JAKMIP2: variants seen among roughly 807,000 people sequenced by gnomAD.
JAKMIP2 encodes the protein janus kinase and microtubule-interacting protein 2.
JAKMIP2 carries 25 observed loss-of-function variants against 115.0 expected under a neutral mutation model. That is an observed-to-expected ratio of 0.22 (90% CI 0.16 to 0.30). The LOEUF (loss-of-function observed/expected upper bound fraction) is 0.30, where lower values mean the gene tolerates loss of function less well. JAKMIP2 is among the 10% of genes least tolerant of loss of function. The pLI, the probability that JAKMIP2 is intolerant of heterozygous loss-of-function variation, is 1.00. For missense variants in JAKMIP2, 642 were observed against 957.6 expected, an observed-to-expected ratio of 0.67 and a Z score of 4.35; for synonymous variants, 334 against 343.6, an observed-to-expected ratio of 0.97 and a Z score of 0.31.
In JAKMIP2 at chr5:147,647,737, ACT is replaced by A. The variant is rs557588323; in HGVS notation, c.936+637_936+638del. On this transcript the variant is annotated intron_variant, in intron 5 of 21. Transcript: ENST00000616793. Reference sequence around the variant, plus strand: ...TTATTGGTGGGAATTGTGACAACTCACTGTTTGGTAATAACTATTGATGCTGA... The same window carrying A: ...TTATTGGTGGGAATTGTGACAACTCAGTTTGGTAATAACTATTGATGCTGA... 2.8e-4 allele frequency among the ~76,000 whole-genome samples: 42 copies of A among 152,278 alleles called. No homozygotes were observed. In the South Asian group the frequency reaches 8.5e-3, roughly 31 times the overall value.
rs1034001349 is a variant in JAKMIP2, at chr5:147,750,916, G to A, written c.-149+31540C>T. Among the ~76,000 whole-genome samples, 7 of 152,232 alleles carry A rather than the reference G, an allele frequency of 4.6e-5. No homozygotes were observed. In the East Asian group the frequency reaches 1.2e-3, roughly 25 times the overall value. ...CTCGACATCGGACTTCCAATCTACA[G>A]AACTGTTGAGAAAAAAATTCTGCTA... On this transcript the variant is annotated intron_variant, in intron 1 of 21. Coordinates refer to ENST00000616793, the MANE Select transcript of JAKMIP2 (RefSeq NM_001270941.2).
intron 1 of JAKMIP2, among the ~76,000 whole-genome samples, chr5:147,674,677 C>G (rs1368254023): frequency 6.6e-6 from 1 of 152,172 alleles, no homozygotes; most frequent in Admixed American, 6.5e-5. Flanking sequence ...GGACGAAGGG[C>G]TTAACATACT....
At chr5:147,757,878 C>CA (rs1328069027) in intron 1 of JAKMIP2, among the ~76,000 whole-genome samples, 2 of 152,046 alleles carry the variant, frequency 1.3e-5, no homozygotes, top group African/African-American at 4.8e-5. Flanking sequence ...TATATGGAAT[C>CA]AACTTCAATC....
chr5:147,622,318 C>G (rs1303966197), intron 17 of JAKMIP2, among the ~76,000 whole-genome samples: 2 of 152,142 alleles, frequency 1.3e-5, no homozygotes, highest in Non-Finnish European at 2.9e-5. Flanking sequence ...GTGTATAGTT[C>G]AGTAGTACAA....
chr5:147,711,286 C>T lies in JAKMIP2; in HGVS notation c.-148-39332G>A, dbSNP rs79835332. ...CATAATGAGGTAGTTGGCAAGTCCA[C>T]GGGAGTGATGGTAAAATGCCTTACT... is the stretch of plus-strand genomic sequence containing the variant. On this transcript the variant is annotated intron_variant, in intron 1 of 21. Coordinates refer to ENST00000616793, the MANE Select transcript of JAKMIP2 (RefSeq NM_001270941.2). 5.9e-5 allele frequency among the ~76,000 whole-genome samples: 9 copies of T among 152,166 alleles called. No homozygotes were observed. In the East Asian group the frequency reaches 1.5e-3, roughly 26 times the overall value.
rs1188865585 is a variant in JAKMIP2, at chr5:147,760,430, G to A, written c.-149+22026C>T. On this transcript the variant is annotated intron_variant, in intron 1 of 21. Coordinates refer to ENST00000616793, the MANE Select transcript of JAKMIP2 (RefSeq NM_001270941.2). The stretch of plus-strand genomic sequence containing the variant: ...AAAAAAAAAAAAAAAATCACTCAGT[G>A]TGTAGTTATCAAAACCATGAAGGGA... 5.3e-5 allele frequency among the ~76,000 whole-genome samples: 8 copies of A among 150,756 alleles called. No individual in the cohort carries two copies. In the East Asian group the frequency reaches 1.4e-3, roughly 26 times the overall value.
At chr5:147,702,605 AAAGAAAGAAAG>A in intron 1 of JAKMIP2, among the ~76,000 whole-genome samples, 2 of 15,942 alleles carry the variant, frequency 1.3e-4, no homozygotes, top group Non-Finnish European at 3.4e-4. Flanking sequence ...AGAAAGAAGG[AAAGAAAGAAAG>A]AAAGAAAGAA....
chr5:147,684,980 A>C (rs781765734), intron 1 of JAKMIP2, among the ~76,000 whole-genome samples: 2 of 152,188 alleles, frequency 1.3e-5, no homozygotes, highest in African/African-American at 2.4e-5. Flanking sequence ...TTTAGAGAGC[A>C]CTTAGTGTGT....
At chr5:147,704,933 G>A (rs1752506708) in intron 1 of JAKMIP2, among the ~76,000 whole-genome samples, 1 of 152,102 alleles carries the variant, frequency 6.6e-6, no homozygotes, top group South Asian at 2.1e-4. Flanking sequence ...AGAGAAAATA[G>A]CACTAATAAT....
At position 147,782,610 on chromosome 5, in the gene JAKMIP2, T is replaced by G; in HGVS notation, c.-303A>C. ...TGTCTCTGGTTGGCGATGGTGCGAA[T>G]AGGAACCACCCTTCCAGCCCCACTA... On this transcript the variant is annotated 5_prime_UTR_variant, in exon 1 of 22. Coordinates refer to ENST00000616793, the MANE Select transcript of JAKMIP2 (RefSeq NM_001270941.2). The G allele has an allele frequency of 1.3e-6, 1 of 758,300 alleles. No homozygotes were observed. The highest frequency in any genetic ancestry group is 2.7e-5 in the East Asian group (1 of 37,078). 47.0% of individuals were successfully genotyped at this position (758,300 alleles called of 1,614,324 possible). A position where few individuals can be genotyped will look rare whatever the true frequency, so the allele number is the denominator to read the frequency against.
chr5:147,695,120 A>G (rs1186198555), intron 1 of JAKMIP2, among the ~76,000 whole-genome samples: 1 of 152,210 alleles, frequency 6.6e-6, no homozygotes, highest in African/African-American at 2.4e-5. Flanking sequence ...ACAAACTAAC[A>G]ATGCGTTAAA....
intron 1 of JAKMIP2, among the ~76,000 whole-genome samples, chr5:147,739,347 A>G (rs1191550132): frequency 6.6e-6 from 1 of 152,076 alleles, no homozygotes; most frequent in Non-Finnish European, 1.5e-5. Flanking sequence ...CCACACATTT[A>G]TGCCACAGGA....
At chr5:147,762,330 T>C (rs1754957364) in intron 1 of JAKMIP2, among the ~76,000 whole-genome samples, 1 of 152,172 alleles carries the variant, frequency 6.6e-6, no homozygotes, top group African/African-American at 2.4e-5. Context: ...GTACTCTTAT[T>C]CGTGTAATTT....
intron 1 of JAKMIP2, among the ~76,000 whole-genome samples, chr5:147,707,015 T>C (rs1752584854): frequency 6.6e-6 from 1 of 152,128 alleles, no homozygotes; most frequent in Admixed American, 6.5e-5. Context: ...TTCTAGGCCT[T>C]TTTTTGAGGG....
chr5:147,711,078 C>A (rs1203940693), intron 1 of JAKMIP2, among the ~76,000 whole-genome samples: 1 of 152,166 alleles, frequency 6.6e-6, no homozygotes. Flanking sequence ...ATGAATAGAT[C>A]TACTTTAAAA....
chr5:147,654,466 T>C (rs1489278862), intron 3 of JAKMIP2, among the ~76,000 whole-genome samples: 1 of 152,160 alleles, frequency 6.6e-6, no homozygotes, highest in African/African-American at 2.4e-5. Flanking sequence ...TTTTATTCTC[T>C]TTGTAGCAAT....
intron 1 of JAKMIP2, among the ~76,000 whole-genome samples, chr5:147,766,565 C>G (rs576498705): frequency 6.6e-6 from 1 of 152,184 alleles, no homozygotes; most frequent in African/African-American, 2.4e-5. Context: ...GATAAGTGAA[C>G]TTGGTACCAA....
At chr5:147,642,075 A>G (rs1757904662) in intron 7 of JAKMIP2, among the ~76,000 whole-genome samples, 2 of 152,154 alleles carry the variant, frequency 1.3e-5, no homozygotes, top group South Asian at 4.1e-4. Flanking sequence ...ATATTCCCCC[A>G]AAGCACAGTA....
At chr5:147,700,898 C>T (rs1752299553) in intron 1 of JAKMIP2, among the ~76,000 whole-genome samples, 1 of 152,102 alleles carries the variant, frequency 6.6e-6, no homozygotes, top group Non-Finnish European at 1.5e-5. Context: ...TCATGGGCTA[C>T]TTCATTCTAG....
Sources: allele counts gnomAD v4.1 joint callset (sites outside exome capture counted in the v4.1 genomes callset), GRCh38; gene constraint gnomAD v4.1.1; transcripts MANE v1.5; gene names NCBI Gene and HGNC (gene_info 2026-07-23, HGNC 2026-07-21).